Variants in MDFIC2 observed in about 807,000 individuals in gnomAD.
MDFIC2 encodes the protein myoD family inhibitor domain-containing protein 2.
At chr3:70,200,857 A>G (rs1701230192) in intron 3 of MDFIC2, among the ~76,000 whole-genome samples, 1 of 151,744 alleles carries the variant, frequency 6.6e-6, no homozygotes, top group Non-Finnish European at 1.5e-5. Flanking sequence ...TAGAGCAGAG[A>G]TTCAAATCTA....
intron 2 of MDFIC2, among the ~76,000 whole-genome samples, chr3:70,306,357 C>T (rs1204974064): frequency 6.6e-6 from 1 of 152,120 alleles, no homozygotes; most frequent in Non-Finnish European, 1.5e-5. Flanking sequence ...ATGATCTACC[C>T]GCCTCGGCCT....
intron 2 of MDFIC2, among the ~76,000 whole-genome samples, chr3:70,274,228 T>C (rs9681907): frequency 0.14 from 21,919 of 151,954 alleles, 2,066 homozygotes; most frequent in East Asian, 0.48. Context: ...ACAATTGATA[T>C]GTTTTAATAC....
At chr3:70,310,598 G>A (rs543912561) in intron 2 of MDFIC2, among the ~76,000 whole-genome samples, 3 of 151,822 alleles carry the variant, frequency 2.0e-5, no homozygotes, top group East Asian at 1.9e-4. Flanking sequence ...TCTCCTGACC[G>A]CAAGTGATCC....
At chr3:70,214,471 A>G (rs992439781) in intron 2 of MDFIC2, among the ~76,000 whole-genome samples, 4 of 152,088 alleles carry the variant, frequency 2.6e-5, no homozygotes, top group Non-Finnish European at 4.4e-5. Context: ...TCCTCCAGAA[A>G]TAATAGAAGT....
At chr3:70,204,742 A>C (rs1250211379) in intron 3 of MDFIC2, 1 of 151,628 alleles carries the variant, frequency 6.6e-6, no homozygotes, top group Non-Finnish European at 1.5e-5. Flanking sequence ...ATAATACAAG[A>C]GTTAGGTGTC....
chr3:70,233,045 C>T (rs974810039), intron 2 of MDFIC2, among the ~76,000 whole-genome samples: 4 of 152,184 alleles, frequency 2.6e-5, no homozygotes, highest in South Asian at 2.1e-4. Flanking sequence ...AAAAATTAGC[C>T]GGACATGGTG....
intron 2 of MDFIC2, among the ~76,000 whole-genome samples, chr3:70,264,630 T>G (rs1329600820): frequency 1.3e-5 from 2 of 152,266 alleles, no homozygotes; most frequent in Non-Finnish European, 2.9e-5. Context: ...AAATGTTTAC[T>G]GAGCACTGAA....
intron 2 of MDFIC2, among the ~76,000 whole-genome samples, chr3:70,224,824 T>C (rs1415894441): frequency 4.0e-5 from 6 of 151,234 alleles, no homozygotes; most frequent in African/African-American, 1.5e-4. Flanking sequence ...TTTTGCAGTT[T>C]CCCCCCCCAC....
chr3:70,288,273 G>T, intron 2 of MDFIC2, among the ~76,000 whole-genome samples: 3 of 119,858 alleles, frequency 2.5e-5, no homozygotes, highest in South Asian at 3.7e-4. Context: ...TGTTCTCGTT[G>T]GTTTCAAAGA....
intron 2 of MDFIC2, among the ~76,000 whole-genome samples, chr3:70,228,239 A>C (rs535144960): frequency 6.6e-6 from 1 of 152,072 alleles, no homozygotes; most frequent in Non-Finnish European, 1.5e-5. Flanking sequence ...AAACATTGCA[A>C]GCATGCCAAG....
intron 2 of MDFIC2, among the ~76,000 whole-genome samples, chr3:70,283,262 G>T (rs1702106711): frequency 6.6e-6 from 1 of 152,072 alleles, no homozygotes; most frequent in African/African-American, 2.4e-5. Flanking sequence ...AACTCATGCA[G>T]TCCTCTGATT....
intron 2 of MDFIC2, among the ~76,000 whole-genome samples, chr3:70,261,072 C>T (rs75853845): frequency 0.038 from 5,767 of 152,196 alleles, 234 homozygotes; most frequent in East Asian, 0.2. Context: ...AGCACTTCAA[C>T]GTTTATTTAA....
chr3:70,281,032 T>G (rs549767045), intron 2 of MDFIC2, among the ~76,000 whole-genome samples: 1 of 152,314 alleles, frequency 6.6e-6, no homozygotes, highest in African/African-American at 2.4e-5. Flanking sequence ...CTTTGTATCT[T>G]TGGGTCTTCA....
intron 2 of MDFIC2, among the ~76,000 whole-genome samples, chr3:70,207,528 G>T (rs750925164): frequency 1.3e-5 from 2 of 151,954 alleles, no homozygotes; most frequent in Non-Finnish European, 1.5e-5. Context: ...CCCAAGCGTT[G>T]TATGTATTTT....
At chr3:70,293,045 C>CCAAA (rs1702253903) in intron 2 of MDFIC2, among the ~76,000 whole-genome samples, 2 of 74,820 alleles carry the variant, frequency 2.7e-5, no homozygotes, top group African/African-American at 8.2e-5. Flanking sequence ...TGGTTTGAAG[C>CCAAA]AAAAAAAAAA....
chr3:70,274,332 G>A (rs1303865944), intron 2 of MDFIC2, among the ~76,000 whole-genome samples: 1 of 152,040 alleles, frequency 6.6e-6, no homozygotes, highest in Non-Finnish European at 1.5e-5. Flanking sequence ...ACAAGGTTGA[G>A]AATCATCATA....
chr3:70,302,601 T>C (rs1177909394), intron 2 of MDFIC2: 1 of 152,196 alleles, frequency 6.6e-6, no homozygotes, highest in Non-Finnish European at 1.5e-5. Context: ...TATCTACAAT[T>C]GTCTTCTTCC....
intron 2 of MDFIC2, among the ~76,000 whole-genome samples, chr3:70,282,268 A>T (rs11928464): frequency 6.6e-6 from 1 of 152,180 alleles, no homozygotes; most frequent in African/African-American, 2.4e-5. Flanking sequence ...TAGAAGGAAC[A>T]CCTGGTGTTT....
At position 70,250,025 on chromosome 3, in the gene MDFIC2, C is replaced by A. The variant is rs796750833; in HGVS notation, c.89-43235G>T. 2.0e-5 allele frequency among the ~76,000 whole-genome samples: 3 copies of A among 152,192 alleles called. No individual in the cohort carries two copies. In the Middle Eastern group the frequency reaches 0.01, roughly 518 times the overall value. On this transcript the variant is annotated intron_variant, in intron 2 of 3. Coordinates refer to ENST00000567252, the MANE Select transcript of MDFIC2 (RefSeq NM_001364677.1). ...AAAATCTAGAGAGAAGTTCTGGCTT[C>A]GAGTTGTTTATTAAGTTATTCTTTT... is the stretch of plus-strand genomic sequence containing the variant.
Sources: allele counts gnomAD v4.1 joint callset (sites outside exome capture counted in the v4.1 genomes callset), GRCh38; gene constraint gnomAD v4.1.1; transcripts MANE v1.5; gene names NCBI Gene and HGNC (gene_info 2026-07-23, HGNC 2026-07-21).